RGS17: variants seen among roughly 807,000 people sequenced by gnomAD.
The protein encoded by RGS17 is regulator of G protein signaling 17.
A neutral mutation model predicts 25.5 loss-of-function variants in RGS17; 12 were observed. The observed-to-expected ratio is 0.47, with a 90% CI of 0.30 to 0.76. The LOEUF (loss-of-function observed/expected upper bound fraction) is 0.76. Among genes scored for constraint, RGS17 ranks in the 30% least tolerant of loss-of-function variants. The pLI is 0.07. For missense variants in RGS17, 196 were observed against 242.2 expected (o/e 0.81, Z 1.27); for synonymous variants, 71 against 76.9 (o/e 0.92, Z 0.40).
intron 1 of RGS17, among the ~76,000 whole-genome samples, chr6:153,116,179 A>C (rs1025720509): frequency 1.1e-4 from 16 of 152,344 alleles, no homozygotes; most frequent in African/African-American, 3.6e-4. Flanking sequence ...TCTGTCTGAC[A>C]AAGGGCTAAT....
chr6:153,112,824 A>C (rs1777492889), intron 1 of RGS17, among the ~76,000 whole-genome samples: 1 of 152,218 alleles, frequency 6.6e-6, no homozygotes, highest in Non-Finnish European at 1.5e-5. Flanking sequence ...AGCAAAACTA[A>C]GCTTCATAAG....
At chr6:153,045,592 C>T (rs1226912774) in intron 1 of RGS17, among the ~76,000 whole-genome samples, 3 of 152,096 alleles carry the variant, frequency 2.0e-5, no homozygotes, top group Admixed American at 6.6e-5. Flanking sequence ...AAATGAAAAG[C>T]ATTACATTAT....
At chr6:153,054,100 A>ATATG (rs1206727866) in intron 1 of RGS17, among the ~76,000 whole-genome samples, 50 of 95,330 alleles carry the variant, frequency 5.2e-4, no homozygotes, top group East Asian at 1.0e-3. Context: ...TTTTATATAT[A>ATATG]TATATATATA....
intron 1 of RGS17, among the ~76,000 whole-genome samples, chr6:153,102,184 C>T (rs1485477157): frequency 6.6e-6 from 1 of 152,220 alleles, no homozygotes; most frequent in Non-Finnish European, 1.5e-5. Flanking sequence ...CTGAGAGAGT[C>T]TGATGGGACA....
intron 1 of RGS17, among the ~76,000 whole-genome samples, chr6:153,093,521 C>T (rs1422300122): frequency 6.6e-6 from 1 of 152,174 alleles, no homozygotes; most frequent in Non-Finnish European, 1.5e-5. Context: ...AGGCAAGGGA[C>T]TCAACTCCTG....
At position 153,054,104 on chromosome 6, in the gene RGS17, A is replaced by ATGTGTG. The variant is rs1562321712; in HGVS notation, c.-25-10062_-25-10061insCACACA. 4.3e-5 allele frequency among the ~76,000 whole-genome samples: 3 copies of ATGTGTG among 69,640 alleles called. 1 individual carries two copies. Among genetic ancestry groups the ATGTGTG allele is most frequent in the African/African-American group, 1.9e-4 (3 of 16,064 alleles). The allele number at this position is 69,640 out of a possible 152,430, so 45.7% of individuals were successfully genotyped here. On this transcript the variant is annotated intron_variant, in intron 1 of 4. Coordinates refer to ENST00000206262, the MANE Select transcript of RGS17 (RefSeq NM_012419.5). ...CACACAATATTTTTTATATATATAT[A>ATGTGTG]TATATATATGTGTATATATATATAT... is the stretch of plus-strand genomic sequence containing the variant.
chr6:153,064,586 T>C (rs1167724791), intron 1 of RGS17, among the ~76,000 whole-genome samples: 11 of 151,406 alleles, frequency 7.3e-5, no homozygotes, highest in African/African-American at 2.4e-4. Flanking sequence ...GCTGAGATCC[T>C]GCCACTACAG....
intron 1 of RGS17, among the ~76,000 whole-genome samples, chr6:153,060,488 G>A (rs1019816449): frequency 2.0e-5 from 3 of 152,114 alleles, no homozygotes; most frequent in African/African-American, 7.2e-5. Context: ...TGCTGACTTA[G>A]AGTTTTGCCA....
At chr6:153,059,007 C>T (rs1302501940) in intron 1 of RGS17, among the ~76,000 whole-genome samples, 1 of 151,302 alleles carries the variant, frequency 6.6e-6, no homozygotes, top group African/African-American at 2.4e-5. Context: ...GAATATGGTT[C>T]TGGTCCTTAC....
intron 4 of RGS17, among the ~76,000 whole-genome samples, chr6:153,019,953 T>C (rs1249992480): frequency 6.6e-6 from 1 of 151,534 alleles, no homozygotes; most frequent in African/African-American, 2.4e-5. Flanking sequence ...TTCATTTGTT[T>C]TCCCTTGAAG....
chr6:153,046,029 T>C (rs1776380339), intron 1 of RGS17, among the ~76,000 whole-genome samples: 1 of 152,150 alleles, frequency 6.6e-6, no homozygotes, highest in Admixed American at 6.6e-5. Flanking sequence ...AATGAAACCC[T>C]GTCATTCACA....
intron 1 of RGS17, among the ~76,000 whole-genome samples, chr6:153,089,150 CTT>C (rs375098173): frequency 1.3e-5 from 2 of 148,600 alleles, no homozygotes; most frequent in African/African-American, 2.5e-5. Flanking sequence ...CAATGGTACA[CTT>C]TTTTTTTTCT....
chr6:153,057,956 T>C (rs139534473), intron 1 of RGS17, among the ~76,000 whole-genome samples: 121 of 152,300 alleles, frequency 7.9e-4, no homozygotes, highest in African/African-American at 2.7e-3. Flanking sequence ...TCCTACTATG[T>C]ATCCCAGTTC....
At chr6:153,047,609 T>C (rs1776401362) in intron 1 of RGS17, among the ~76,000 whole-genome samples, 1 of 152,158 alleles carries the variant, frequency 6.6e-6, no homozygotes, top group South Asian at 2.1e-4. Context: ...CTCTCATGAA[T>C]GGGATTAGTG....
chr6:153,008,722 AT>A lies in RGS17; in HGVS notation c.*2851del, dbSNP rs1346954546. 1 of 152,184 alleles carries A rather than the reference AT, an allele frequency of 6.6e-6. No homozygotes were observed. The highest frequency in any genetic ancestry group is 1.5e-5 in the Non-Finnish European group (1 of 68,006). 9.4% of individuals were successfully genotyped at this position (152,184 alleles called of 1,614,324 possible). On this transcript the variant is annotated 3_prime_UTR_variant, in exon 5 of 5. Coordinates refer to ENST00000206262, the MANE Select transcript of RGS17 (RefSeq NM_012419.5). The stretch of plus-strand genomic sequence containing the variant: ...ACAAAGTGTCCATTTTAAAGTGCTA[AT>A]TTTTCCCCAGGGAGGAATTTACTCA...
chr6:153,061,072 C>T (rs1306044998), intron 1 of RGS17, among the ~76,000 whole-genome samples: 1 of 152,164 alleles, frequency 6.6e-6, no homozygotes, highest in African/African-American at 2.4e-5. Flanking sequence ...AGTGGAAAGT[C>T]ATTCAATTGC....
intron 1 of RGS17, among the ~76,000 whole-genome samples, chr6:153,074,034 C>T (rs1465771294): frequency 6.6e-6 from 1 of 152,136 alleles, no homozygotes; most frequent in African/African-American, 2.4e-5. Flanking sequence ...CTCAGATCTA[C>T]CTCAAGTTGT....
At chr6:153,126,737 C>A (rs989281677) in intron 1 of RGS17, among the ~76,000 whole-genome samples, 4 of 152,132 alleles carry the variant, frequency 2.6e-5, no homozygotes, top group Non-Finnish European at 4.4e-5. Flanking sequence ...ACTAGCTGTT[C>A]TAAGCATCGT....
intron 2 of RGS17, among the ~76,000 whole-genome samples, chr6:153,038,272 C>G (rs1193823218): frequency 6.6e-6 from 1 of 152,180 alleles, no homozygotes; most frequent in Non-Finnish European, 1.5e-5. Flanking sequence ...GAGTGAGGCT[C>G]CTTCTACCAT....
Sources: gnomAD v4.1 joint callset for allele counts (sites outside exome capture counted in the v4.1 genomes callset) on GRCh38, gnomAD v4.1.1 for gene constraint, MANE v1.5 for transcripts, NCBI Gene and HGNC (gene_info 2026-07-23, HGNC 2026-07-21) for gene names.